TMEM45A: variants seen among roughly 807,000 people sequenced by gnomAD.
TMEM45A encodes the protein DNA polymerase-transactivated protein 4.
TMEM45A carries 25 observed loss-of-function variants against 32.0 expected under a neutral mutation model. The observed-to-expected ratio is 0.78, with a 90% confidence interval of 0.57 to 1.09. The LOEUF (loss-of-function observed/expected upper bound fraction) is 1.09. TMEM45A is among the 50% of genes least tolerant of loss of function. TMEM45A has a pLI of 0.00. For missense variants in TMEM45A, 302 were observed against 325.0 expected, an observed-to-expected ratio of 0.93 and a Z score of 0.54; for synonymous variants, 122 against 114.8, an observed-to-expected ratio of 1.06 and a Z score of -0.40.
intron 5 of TMEM45A, among the ~76,000 whole-genome samples, chr3:100,569,712 T>A (rs1030387960): frequency 1.3e-5 from 2 of 149,026 alleles, no homozygotes; most frequent in African/African-American, 4.9e-5. Flanking sequence ...CTTGTTATTC[T>A]TTTCCTCCCT....
chr3:100,549,123 TGTA>T (rs1281872430), intron 1 of TMEM45A, among the ~76,000 whole-genome samples: 3 of 151,918 alleles, frequency 2.0e-5, no homozygotes, highest in African/African-American at 7.3e-5. Context: ...GGCATGCGCC[TGTA>T]ATACCAGCTA....
chr3:100,548,892 G>A (rs1018978476), intron 1 of TMEM45A, among the ~76,000 whole-genome samples: 4 of 152,036 alleles, frequency 2.6e-5, no homozygotes, highest in South Asian at 2.1e-4. Context: ...CTATAACTTC[G>A]GTTTTGGCCA....
chr3:100,549,137 C>T (rs981950200), intron 1 of TMEM45A, among the ~76,000 whole-genome samples: 2 of 151,974 alleles, frequency 1.3e-5, no homozygotes, highest in South Asian at 2.1e-4. Flanking sequence ...ATACCAGCTA[C>T]TCAGGAGGCT....
At position 100,528,843 on chromosome 3, in the gene TMEM45A, A is replaced by G. The variant is rs529303536; in HGVS notation, c.-3-26366A>G. On this transcript the variant is annotated intron_variant, in intron 1 of 5. Coordinates refer to ENST00000323523, the MANE Select transcript of TMEM45A (RefSeq NM_018004.3). ...AATTTATTCCAAAAGCATGCAGAACACTATGACAGAGCCAAAGAAATAGCT... is the reference window on the plus strand; with the variant it reads ...AATTTATTCCAAAAGCATGCAGAACGCTATGACAGAGCCAAAGAAATAGCT... Among the ~76,000 whole-genome samples the G allele has an allele frequency of 2.8e-4, 42 of 152,372 alleles. 2 individuals are homozygous for G. In the South Asian group the frequency reaches 8.7e-3, roughly 32 times the overall value.
At chr3:100,575,296 C>G (rs967288084) in intron 5 of TMEM45A, among the ~76,000 whole-genome samples, 1 of 151,130 alleles carries the variant, frequency 6.6e-6, no homozygotes, top group Non-Finnish European at 1.5e-5. Flanking sequence ...GCTTCAGCTG[C>G]TAATCAGTGT....
chr3:100,521,633 G>A lies in TMEM45A; in HGVS notation c.-4+28705G>A, dbSNP rs576606682. Among the ~76,000 whole-genome samples the A allele has an allele frequency of 4.3e-4, 66 of 152,292 alleles. 1 individual carries two copies. Among genetic ancestry groups the A allele is most frequent in the African/African-American group, 1.0e-3 (43 of 41,564 alleles). ...GACATTGCCACACCAGCTGCAGCAC[G>A]TACGCACACACCCTGGGGCTTTCCA... On this transcript the variant is annotated intron_variant, in intron 1 of 5. Coordinates refer to ENST00000323523, the MANE Select transcript of TMEM45A (RefSeq NM_018004.3).
chr3:100,523,529 A>T (rs1705476683), intron 1 of TMEM45A, among the ~76,000 whole-genome samples: 1 of 152,232 alleles, frequency 6.6e-6, no homozygotes, highest in Non-Finnish European at 1.5e-5. Flanking sequence ...GAGAAATTCC[A>T]TTGGGTTCTG....
chr3:100,524,380 T>G (rs777260987), intron 1 of TMEM45A, among the ~76,000 whole-genome samples: 1 of 152,236 alleles, frequency 6.6e-6, no homozygotes, highest in African/African-American at 2.4e-5. Flanking sequence ...TCTAACATAG[T>G]AACTACTCAA....
intron 1 of TMEM45A, among the ~76,000 whole-genome samples, chr3:100,510,311 C>G (rs1442333388): frequency 1.3e-5 from 2 of 152,194 alleles, no homozygotes; most frequent in Non-Finnish European, 2.9e-5. Context: ...GTCCCTGACC[C>G]CTGACCCCCG....
chr3:100,521,085 T>C (rs1252417197), intron 1 of TMEM45A, among the ~76,000 whole-genome samples: 1 of 152,180 alleles, frequency 6.6e-6, no homozygotes, highest in Non-Finnish European at 1.5e-5. Context: ...GGAGCAAAGT[T>C]TAGCGCGTGA....
chr3:100,509,252 G>A (rs1708120599), intron 1 of TMEM45A, among the ~76,000 whole-genome samples: 1 of 152,124 alleles, frequency 6.6e-6, no homozygotes, highest in African/African-American at 2.4e-5. Context: ...CACCCCAGTT[G>A]GAATGGCTGT....
At chr3:100,539,478 T>TATAC (rs1705814925) in intron 1 of TMEM45A, among the ~76,000 whole-genome samples, 2 of 127,136 alleles carry the variant, frequency 1.6e-5, no homozygotes, top group Non-Finnish European at 1.8e-5. Flanking sequence ...TATATGTATA[T>TATAC]GTATATGTAT....
chr3:100,496,721 A>G (rs59106990), intron 1 of TMEM45A, among the ~76,000 whole-genome samples: 3,509 of 152,252 alleles, frequency 0.023, 121 homozygotes, highest in African/African-American at 0.08. Context: ...CTGTCTTTTC[A>G]CCTTGTTTGA....
intron 1 of TMEM45A, among the ~76,000 whole-genome samples, chr3:100,532,487 G>A (rs1033468687): frequency 8.5e-5 from 13 of 152,158 alleles, no homozygotes; most frequent in African/African-American, 1.4e-4. Context: ...CAGGTGATGC[G>A]GCCGGCCCAT....
chr3:100,517,179 C>T (rs534305762), intron 1 of TMEM45A, among the ~76,000 whole-genome samples: 2 of 152,168 alleles, frequency 1.3e-5, no homozygotes, highest in South Asian at 2.1e-4. Flanking sequence ...TGCAGTGGCA[C>T]AATCTGGGAT....
intron 1 of TMEM45A, among the ~76,000 whole-genome samples, chr3:100,496,789 G>A (rs1170785799): frequency 1.3e-5 from 2 of 152,184 alleles, no homozygotes; most frequent in Admixed American, 6.5e-5. Flanking sequence ...TCAATTGAAT[G>A]ACTGTCCCCT....
At chr3:100,567,137 C>T (rs1706457635) in intron 4 of TMEM45A, among the ~76,000 whole-genome samples, 2 of 151,496 alleles carry the variant, frequency 1.3e-5, no homozygotes, top group South Asian at 4.2e-4. Context: ...GTCTTTAATC[C>T]ATTTTGAGTT....
At chr3:100,524,601 T>C (rs7429277) in intron 1 of TMEM45A, among the ~76,000 whole-genome samples, 33,457 of 152,042 alleles carry the variant, frequency 0.22, 4,001 homozygotes, top group East Asian at 0.31. Flanking sequence ...AATTGAGATG[T>C]GTTGTAAGTG....
At chr3:100,502,151 C>G (rs955115120) in intron 1 of TMEM45A, among the ~76,000 whole-genome samples, 2 of 151,692 alleles carry the variant, frequency 1.3e-5, no homozygotes, top group African/African-American at 2.4e-5. Context: ...ACTACCCTCA[C>G]ACTTTAAATT....
Sources: gnomAD v4.1 joint callset for allele counts (sites outside exome capture counted in the v4.1 genomes callset) on GRCh38, gnomAD v4.1.1 for gene constraint, MANE v1.5 for transcripts, NCBI Gene and HGNC (gene_info 2026-07-23, HGNC 2026-07-21) for gene names.